Variants in NRXN3 observed in about 807,000 individuals in gnomAD.
The protein encoded by NRXN3 is neurexin 3.
Under a neutral mutation model 137.6 loss-of-function variants are expected in NRXN3, and 32 were observed. The observed-to-expected ratio is 0.23, with a 90% CI of 0.18 to 0.31. The LOEUF is 0.31. Ranked by LOEUF, NRXN3 falls within the 10% of genes least tolerant of loss-of-function variation. The pLI, the probability that NRXN3 is intolerant of heterozygous loss-of-function variation, is 1.00. For synonymous variants in NRXN3, 798 were observed against 784.5 expected, an observed-to-expected ratio of 1.02 and a Z score of -0.29; for missense variants, 1,574 against 2,062.5, an observed-to-expected ratio of 0.76 and a Z score of 4.59.
chr14:79,792,003 C>G (rs1037411149), intron 19 of NRXN3, among the ~76,000 whole-genome samples: 1 of 152,186 alleles, frequency 6.6e-6, no homozygotes, highest in African/African-American at 2.4e-5. Context: ...TATGTCCGTG[C>G]TATGCCACAC....
At position 79,166,863 on chromosome 14, in the gene NRXN3, A is replaced by G. The variant is rs2061332429; in HGVS notation, c.3262+178722A>G. ...ACTAATCTTAACATTCAGATTTGCT[A>G]TGAGAATTGCATATGGTTATCTTTG... On this transcript the variant is annotated intron_variant, in intron 15 of 20. Coordinates refer to ENST00000335750, the MANE Select transcript of NRXN3 (RefSeq NM_001330195.2). 2.0e-5 allele frequency among the ~76,000 whole-genome samples: 3 copies of G among 151,966 alleles called. No individual in the cohort carries two copies. In the South Asian group the frequency reaches 6.2e-4, roughly 32 times the overall value.
intron 14 of NRXN3, among the ~76,000 whole-genome samples, chr14:78,980,992 T>C: frequency 6.6e-6 from 1 of 152,132 alleles, no homozygotes; most frequent in East Asian, 1.9e-4. Context: ...ATATTAATAA[T>C]TAATAATGAC....
intron 20 of NRXN3, among the ~76,000 whole-genome samples, chr14:79,839,085 T>C (rs2099350186): frequency 1.3e-5 from 2 of 152,128 alleles, no homozygotes; most frequent in South Asian, 4.1e-4. Context: ...AAATGAGAAG[T>C]AGACAGGTTG....
intron 4 of NRXN3, among the ~76,000 whole-genome samples, chr14:78,363,647 G>A (rs895638321): frequency 6.6e-6 from 1 of 152,182 alleles, no homozygotes; most frequent in African/African-American, 2.4e-5. Context: ...TTCGGCCCAT[G>A]ATAAGGTGCT....
chr14:79,797,569 T>A (rs138097089), intron 19 of NRXN3, among the ~76,000 whole-genome samples: 2 of 152,334 alleles, frequency 1.3e-5, no homozygotes, highest in East Asian at 3.9e-4. Context: ...GTCATTTATG[T>A]TTCATTTGAT....
intron 1 of NRXN3, among the ~76,000 whole-genome samples, chr14:78,194,456 A>G (rs924556330): frequency 6.6e-6 from 1 of 152,142 alleles, no homozygotes; most frequent in African/African-American, 2.4e-5. Flanking sequence ...GTTCCAGTGA[A>G]GCTGTTGCTC....
intron 4 of NRXN3, among the ~76,000 whole-genome samples, chr14:78,627,697 G>A (rs2097480448): frequency 6.6e-6 from 1 of 152,206 alleles, no homozygotes; most frequent in Non-Finnish European, 1.5e-5. Flanking sequence ...GAAAGCCTAG[G>A]TTCTGGTCTT....
At chr14:79,458,278 A>G (rs909401816) in intron 15 of NRXN3, among the ~76,000 whole-genome samples, 9 of 152,232 alleles carry the variant, frequency 5.9e-5, no homozygotes, top group Admixed American at 5.9e-4. Flanking sequence ...AAGAAAAATC[A>G]TTCAAATGTC....
chr14:79,493,514 G>T (rs1396430827), intron 16 of NRXN3, among the ~76,000 whole-genome samples: 6 of 152,204 alleles, frequency 3.9e-5, no homozygotes, highest in Non-Finnish European at 5.9e-5. Flanking sequence ...TTCCAGCATA[G>T]CTGGGTAGTT....
chr14:79,402,056 A>G (rs1484839973), intron 15 of NRXN3, among the ~76,000 whole-genome samples: 3 of 152,088 alleles, frequency 2.0e-5, no homozygotes, highest in Admixed American at 2.0e-4. Flanking sequence ...AGCTAGGACT[A>G]CAGGCATGTG....
chr14:79,270,276 TA>T (rs2079099467), intron 15 of NRXN3, among the ~76,000 whole-genome samples: 1 of 152,164 alleles, frequency 6.6e-6, no homozygotes, highest in African/African-American at 2.4e-5. Flanking sequence ...CCTTATGAGA[TA>T]ATTGCATATT....
At chr14:78,194,353 A>G (rs1595791572) in intron 1 of NRXN3, among the ~76,000 whole-genome samples, 1 of 152,200 alleles carries the variant, frequency 6.6e-6, no homozygotes, top group Non-Finnish European at 1.5e-5. Context: ...TCTGGTGAAC[A>G]TCTTGAGGTT....
chr14:79,439,320 A>G (rs2095894096), intron 15 of NRXN3, among the ~76,000 whole-genome samples: 1 of 152,242 alleles, frequency 6.6e-6, no homozygotes, highest in Non-Finnish European at 1.5e-5. Flanking sequence ...GACATTAAAC[A>G]TTTATAATTT....
At chr14:79,836,181 G>A (rs908199304) in intron 20 of NRXN3, among the ~76,000 whole-genome samples, 1 of 152,154 alleles carries the variant, frequency 6.6e-6, no homozygotes, top group African/African-American at 2.4e-5. Flanking sequence ...CAAGAATGTG[G>A]ATTGTAATGG....
chr14:78,242,255 A>AC (rs1381055179), intron 1 of NRXN3, 136 bp from the exon 2 acceptor site: 2 of 152,228 alleles, frequency 1.3e-5, no homozygotes, highest in Non-Finnish European at 1.5e-5. Context: ...TGTTTGAAGC[A>AC]CTAAGCACTG....
intron 15 of NRXN3, among the ~76,000 whole-genome samples, chr14:79,230,736 C>G (rs1000929672): frequency 6.6e-6 from 1 of 152,144 alleles, no homozygotes; most frequent in Non-Finnish European, 1.5e-5. Context: ...TTCTCCCTGG[C>G]AGGTACAGGT....
At chr14:79,384,500 T>C (rs2094552263) in intron 15 of NRXN3, among the ~76,000 whole-genome samples, 1 of 152,166 alleles carries the variant, frequency 6.6e-6, no homozygotes. Context: ...TTAAATTTGG[T>C]TGAACGATAC....
intron 19 of NRXN3, among the ~76,000 whole-genome samples, chr14:79,711,652 C>T (rs934253307): frequency 6.6e-6 from 1 of 152,166 alleles, no homozygotes; most frequent in African/African-American, 2.4e-5. Flanking sequence ...TGAACTGTGC[C>T]TAGATATCCC....
At chr14:79,056,209 A>G (rs1489475207) in intron 15 of NRXN3, among the ~76,000 whole-genome samples, 3 of 152,174 alleles carry the variant, frequency 2.0e-5, no homozygotes, top group Non-Finnish European at 4.4e-5. Flanking sequence ...CTAACAGTTA[A>G]AAAAGTATTT....
Sources: gnomAD v4.1 joint callset for allele counts (sites outside exome capture counted in the v4.1 genomes callset) on GRCh38, gnomAD v4.1.1 for gene constraint, MANE v1.5 for transcripts, NCBI Gene and HGNC (gene_info 2026-07-23, HGNC 2026-07-21) for gene names.